NRXN3: variants seen among roughly 807,000 people sequenced by gnomAD.
NRXN3 encodes the protein neurexin 3, also known as neurexin III.
Under a neutral mutation model 137.6 loss-of-function variants are expected in NRXN3, and 32 were observed. That is an observed-to-expected ratio of 0.23 (90% CI 0.18 to 0.31). The LOEUF is 0.31. Ranked by LOEUF, NRXN3 falls within the 10% of genes least tolerant of loss-of-function variation. The pLI is 1.00. For synonymous variants in NRXN3, 798 were observed against 784.5 expected (o/e 1.02, Z -0.29); for missense variants, 1,574 against 2,062.5 (o/e 0.76, Z 4.59).
intron 19 of NRXN3, among the ~76,000 whole-genome samples, chr14:79,754,648 A>T (rs1301545219): frequency 6.6e-6 from 1 of 150,784 alleles, no homozygotes; most frequent in Admixed American, 6.6e-5. Context: ...TTATAAACTG[A>T]TATTTTATTC....
intron 15 of NRXN3, among the ~76,000 whole-genome samples, chr14:79,462,894 G>A (rs8003933): frequency 1.4e-5 from 2 of 142,504 alleles, no homozygotes; most frequent in South Asian, 2.2e-4. Context: ...ACATATGTAT[G>A]TATATGTATA....
intron 15 of NRXN3, among the ~76,000 whole-genome samples, chr14:79,209,806 G>A (rs2067370229): frequency 6.6e-6 from 1 of 152,094 alleles, no homozygotes; most frequent in African/African-American, 2.4e-5. Context: ...AATAAATATT[G>A]GTCCTCTTAA....
chr14:79,240,616 A>G (rs1597682674), intron 15 of NRXN3, among the ~76,000 whole-genome samples: 1 of 152,178 alleles, frequency 6.6e-6, no homozygotes. Context: ...GTGAGAGATC[A>G]TGCCCTTTTC....
At chr14:78,921,047 C>T (rs987860647) in intron 10 of NRXN3, among the ~76,000 whole-genome samples, 3 of 152,288 alleles carry the variant, frequency 2.0e-5, no homozygotes, top group Non-Finnish European at 2.9e-5. Flanking sequence ...ATGTCAGGGA[C>T]GGGGACCTTC....
chr14:79,520,159 T>C (rs965573649), intron 16 of NRXN3, among the ~76,000 whole-genome samples: 3 of 152,208 alleles, frequency 2.0e-5, no homozygotes, highest in African/African-American at 7.2e-5. Context: ...TTCTCAATTA[T>C]TTAAAACCTG....
intron 15 of NRXN3, among the ~76,000 whole-genome samples, chr14:79,462,662 C>CAA (rs976281607): frequency 1.3e-4 from 19 of 151,316 alleles, no homozygotes; most frequent in African/African-American, 4.6e-4. Context: ...CACACACACA[C>CAA]AACCAATATT....
intron 4 of NRXN3, among the ~76,000 whole-genome samples, chr14:78,568,961 G>GTTTTTTTTTTTTTTTATTTT (rs2096862217): frequency 9.6e-6 from 1 of 103,740 alleles, no homozygotes; most frequent in African/African-American, 4.1e-5. Flanking sequence ...GACTTTGCAG[G>GTTTTTTTTTTTTTTTATTTT]TTTTTTTTTT....
At chr14:79,137,900 A>T (rs8007608) in intron 15 of NRXN3, among the ~76,000 whole-genome samples, 80,280 of 152,004 alleles carry the variant, frequency 0.53, 22,883 homozygotes, top group East Asian at 0.77. Flanking sequence ...AAGCTTTTCC[A>T]TTAGGAAGCT....
intron 8 of NRXN3, among the ~76,000 whole-genome samples, chr14:78,720,706 G>A (rs932829110): frequency 6.6e-6 from 1 of 152,056 alleles, no homozygotes; most frequent in South Asian, 2.1e-4. Flanking sequence ...CAACTATATA[G>A]CATGTAGTAT....
chr14:78,971,134 G>C (rs895411071), intron 14 of NRXN3, among the ~76,000 whole-genome samples: 2 of 151,924 alleles, frequency 1.3e-5, no homozygotes, highest in African/African-American at 4.8e-5. Flanking sequence ...AGCATTTTAG[G>C]GTTCTGTGTA....
chr14:78,976,496 C>T (rs2099466889), intron 14 of NRXN3, among the ~76,000 whole-genome samples: 1 of 152,064 alleles, frequency 6.6e-6, no homozygotes, highest in Non-Finnish European at 1.5e-5. Context: ...TAGTCAAACA[C>T]CTTTAGTTAG....
Position 79,322,951 on chromosome 14 carries a change from T to C in NRXN3, c.3263-144270T>C, listed in dbSNP as rs180828178. On this transcript the variant is annotated intron_variant, in intron 15 of 20. Coordinates refer to ENST00000335750, the MANE Select transcript of NRXN3 (RefSeq NM_001330195.2). ...TTATCTTGTGGATGACAGCTAAGAA[T>C]GCTCAGGTAAGAAATGACTGTAGTG... is the stretch of plus-strand genomic sequence containing the variant. Among the ~76,000 whole-genome samples, 28 of 152,346 alleles carry C rather than the reference T, an allele frequency of 1.8e-4. No homozygotes were observed. The East Asian group carries it at 4.8e-3, about 26-fold the overall frequency.
At chr14:78,687,897 G>A (rs369648845) in intron 6 of NRXN3, among the ~76,000 whole-genome samples, 12 of 152,176 alleles carry the variant, frequency 7.9e-5, no homozygotes, top group African/African-American at 2.9e-4. Context: ...AAGGACTAGA[G>A]CCTACTCAGA....
At chr14:78,250,112 C>A (rs1356240422) in intron 2 of NRXN3, 1 of 516,566 alleles carries the variant, frequency 1.9e-6, no homozygotes, top group South Asian at 1.4e-5. Context: ...AAGCTCGGGG[C>A]AAGAGGTTAA....
At chr14:79,097,543 A>G (rs2050566097) in intron 15 of NRXN3, among the ~76,000 whole-genome samples, 1 of 152,204 alleles carries the variant, frequency 6.6e-6, no homozygotes, top group Non-Finnish European at 1.5e-5. Flanking sequence ...TTCTGAAGGA[A>G]GAGGCCAAAC....
intron 4 of NRXN3, among the ~76,000 whole-genome samples, chr14:78,361,047 C>A (rs1304449179): frequency 6.6e-6 from 1 of 152,158 alleles, no homozygotes; most frequent in African/African-American, 2.4e-5. Flanking sequence ...TATGATATTA[C>A]AGAGAGCCTG....
intron 6 of NRXN3, among the ~76,000 whole-genome samples, chr14:78,662,080 T>C (rs2097846524): frequency 6.7e-6 from 1 of 150,230 alleles, no homozygotes; most frequent in South Asian, 2.1e-4. Context: ...TTCACCATGT[T>C]GGCCAGGCTC....
chr14:79,636,885 C>T (rs1005557969), intron 16 of NRXN3, among the ~76,000 whole-genome samples: 154 of 152,322 alleles, frequency 1.0e-3, no homozygotes, highest in African/African-American at 3.5e-3. Context: ...CTCTTCACTT[C>T]ACTAGTGAGA....
intron 2 of NRXN3, among the ~76,000 whole-genome samples, chr14:78,248,854 G>C (rs1246965329): frequency 2.0e-5 from 3 of 152,176 alleles, no homozygotes; most frequent in Non-Finnish European, 4.4e-5. Context: ...TGCTGCTTCT[G>C]AGACTTGATT....
Sources: allele counts gnomAD v4.1 joint callset (sites outside exome capture counted in the v4.1 genomes callset), GRCh38; gene constraint gnomAD v4.1.1; transcripts MANE v1.5; gene names NCBI Gene and HGNC (gene_info 2026-07-23, HGNC 2026-07-21).